Variants in CSMD3 observed in about 807,000 individuals in gnomAD.
CSMD3 encodes the protein CUB and Sushi multiple domains 3.
In CSMD3, 177 loss-of-function variants were observed where a neutral mutation model predicts 435.2. The ratio of observed to expected loss-of-function variants is 0.41; its 90% CI spans 0.36 to 0.46. CSMD3 has a LOEUF of 0.46. Among genes scored for constraint, CSMD3 ranks in the 20% least tolerant of loss-of-function variants. The probability of loss-of-function intolerance (pLI) is 0.34; values close to 1 mark genes in which losing one functional copy is unlikely to be tolerated. For missense variants in CSMD3, 4,265 were observed against 4,504.6 expected (o/e 0.95, Z 1.52); for synonymous variants, 1,656 against 1,520.5 (o/e 1.09, Z -2.07).
In CSMD3 at chr8:113,411,053, TAGGA is replaced by T. The variant is rs201537821; in HGVS notation, c.178+25620_178+25623del. On this transcript the variant is annotated intron_variant, in intron 1 of 70. Transcript: ENST00000297405. Reference sequence around the variant, plus strand: ...AAAAAGAGAAAGAAGAGGAGAAAGATAGGAAGGAAGGAAGGAAGGATGGAAGGAA... The same window carrying T: ...AAAAAGAGAAAGAAGAGGAGAAAGATAGGAAGGAAGGAAGGATGGAAGGAA... 8.0e-3 allele frequency among the ~76,000 whole-genome samples: 1,150 copies of T among 143,478 alleles called. 18 individuals are homozygous for T. The highest frequency in any genetic ancestry group is 0.028 in the African/African-American group (1,067 of 38,726). The allele number at this position is 143,478 out of a possible 152,430, so 94.1% of individuals were successfully genotyped here. A position where few individuals can be genotyped will look rare whatever the true frequency, so the allele number is the denominator to read the frequency against.
intron 2 of CSMD3, among the ~76,000 whole-genome samples, chr8:113,305,444 G>A (rs1371906193): frequency 1.3e-5 from 2 of 152,080 alleles, no homozygotes; most frequent in African/African-American, 4.8e-5. Flanking sequence ...CTGTTTTACC[G>A]AAAGCAGGCT....
Position 112,289,507 on chromosome 8 carries a change from A to G in CSMD3, c.9006T>C (p.Pro3002=). 1 of 1,612,764 alleles carries G rather than the reference A, an allele frequency of 6.2e-7. No homozygotes were observed. Among genetic ancestry groups the G allele is most frequent in the Non-Finnish European group, 8.5e-7 (1 of 1,179,192 alleles). ...MIDCGHPGVP[P]NAVLSGEKYT... ...ACTTCTCGCCAGACAGGACTGCATTAGGAGGAACGCCAGGGTGTCCACAGT... is the reference window on the plus strand; with the variant it reads ...ACTTCTCGCCAGACAGGACTGCATTGGGAGGAACGCCAGGGTGTCCACAGT... Residue 3002 remains proline, a synonymous_variant, in exon 57 of 71, where the codon CCT becomes CCC. Coordinates refer to ENST00000297405, the MANE Select transcript of CSMD3 (RefSeq NM_198123.2).
intron 4 of CSMD3, among the ~76,000 whole-genome samples, chr8:113,125,961 G>A (rs1049678404): frequency 6.6e-6 from 1 of 151,906 alleles, no homozygotes; most frequent in African/African-American, 2.4e-5. Context: ...CATGTAATAG[G>A]ATAGGTATGC....
intron 5 of CSMD3, among the ~76,000 whole-genome samples, chr8:113,096,774 A>C (rs1373461489): frequency 1.3e-5 from 2 of 151,978 alleles, no homozygotes; most frequent in East Asian, 3.9e-4. Flanking sequence ...CTCTGCTTTA[A>C]GTATTTTGCT....
In CSMD3 at chr8:112,921,608, C is replaced by T; in HGVS notation, c.1633+19G>A. ...AAACTATTAAAATGTGTTCAGAGGGCATTATTATAAAACATTACCTTTACA... is the reference window on the plus strand; with the variant it reads ...AAACTATTAAAATGTGTTCAGAGGGTATTATTATAAAACATTACCTTTACA... On this transcript the variant is annotated intron_variant, in intron 10 of 70. Transcript: ENST00000297405. 6.2e-7 allele frequency: 1 copy of T among 1,601,258 alleles called. No individual in the cohort carries two copies. Among genetic ancestry groups the T allele is most frequent in the Non-Finnish European group, 8.6e-7 (1 of 1,168,790 alleles).
intron 22 of CSMD3, among the ~76,000 whole-genome samples, chr8:112,629,374 T>G (rs2074448659): frequency 6.6e-6 from 1 of 152,030 alleles, no homozygotes; most frequent in Non-Finnish European, 1.5e-5. Context: ...GATAATTTTT[T>G]ATAGAGAAGG....
At chr8:112,538,945 A>G (rs1310209687) in intron 27 of CSMD3, 1 of 152,544 alleles carries the variant, frequency 6.6e-6, no homozygotes, top group Non-Finnish European at 1.5e-5. Flanking sequence ...CTGGAGTCCA[A>G]CTCATTATGA....
chr8:112,535,262 C>A lies in CSMD3; in HGVS notation c.4564+15409G>T, dbSNP rs554841208. ...GTTTGCAGATGACATGATTGTATATCTAGAAAACCCCATTGTCTCAGCCCC... is the reference window on the plus strand; with the variant it reads ...GTTTGCAGATGACATGATTGTATATATAGAAAACCCCATTGTCTCAGCCCC... On this transcript the variant is annotated intron_variant, in intron 27 of 70. Coordinates refer to ENST00000297405, the MANE Select transcript of CSMD3 (RefSeq NM_198123.2). 9.2e-5 allele frequency among the ~76,000 whole-genome samples: 14 copies of A among 152,072 alleles called. No individual in the cohort carries two copies. The East Asian group carries it at 2.7e-3, about 30-fold the overall frequency.
chr8:112,712,200 C>A (rs894846197), intron 13 of CSMD3, among the ~76,000 whole-genome samples: 12 of 152,006 alleles, frequency 7.9e-5, no homozygotes, highest in African/African-American at 2.7e-4. Flanking sequence ...TTAAGAAGAC[C>A]CACTATGAAG....
At chr8:113,254,624 T>G (rs1180644111) in intron 3 of CSMD3, among the ~76,000 whole-genome samples, 1 of 152,226 alleles carries the variant, frequency 6.6e-6, no homozygotes, top group Non-Finnish European at 1.5e-5. Context: ...GTTTTAAGTG[T>G]GGATTTAGGT....
intron 2 of CSMD3, chr8:113,312,837 A>T (rs1024110922): frequency 1.3e-5 from 2 of 152,208 alleles, no homozygotes; most frequent in African/African-American, 2.4e-5. Flanking sequence ...TATTTATAAA[A>T]TAGATGATTA....
intron 2 of CSMD3, among the ~76,000 whole-genome samples, 191 bp from the exon 3 acceptor site, chr8:113,278,895 G>A (rs997661831): frequency 6.6e-6 from 1 of 151,682 alleles, no homozygotes; most frequent in Non-Finnish European, 1.5e-5. Flanking sequence ...CCTCCAGACT[G>A]CAAGATAATA....
At chr8:112,757,983 G>A (rs1219591600) in intron 13 of CSMD3, among the ~76,000 whole-genome samples, 1 of 152,090 alleles carries the variant, frequency 6.6e-6, no homozygotes, top group African/African-American at 2.4e-5. Context: ...TTAAGCCCAG[G>A]AGTTCCAGGC....
At chr8:113,004,788 A>C (rs778050543) in intron 6 of CSMD3, among the ~76,000 whole-genome samples, 13 of 152,074 alleles carry the variant, frequency 8.5e-5, no homozygotes, top group Non-Finnish European at 1.3e-4. Context: ...TAATTAAAGT[A>C]TAAATAAATT....
chr8:112,270,355 T>TGTGTGTGTGTTAGGGGTGA (rs1817370205), intron 59 of CSMD3, among the ~76,000 whole-genome samples: 1 of 93,576 alleles, frequency 1.1e-5, no homozygotes. Context: ...TGTGTGTGTG[T>TGTGTGTGTGTTAGGGGTGA]GTGTGTGTGT....
intron 32 of CSMD3, among the ~76,000 whole-genome samples, chr8:112,434,935 C>T (rs1265763505): frequency 4.6e-5 from 7 of 152,064 alleles, no homozygotes; most frequent in African/African-American, 1.2e-4. Flanking sequence ...AATTCAATGA[C>T]GAGTTCACCA....
chr8:112,616,377 G>A (rs1833663228), intron 22 of CSMD3, among the ~76,000 whole-genome samples: 2 of 152,000 alleles, frequency 1.3e-5, no homozygotes, highest in South Asian at 4.1e-4. Context: ...TACATATATA[G>A]CTTGAAAGTT....
At chr8:112,439,722 GGAA>G (rs1814778522) in intron 32 of CSMD3, among the ~76,000 whole-genome samples, 1 of 152,118 alleles carries the variant, frequency 6.6e-6, no homozygotes, top group South Asian at 2.1e-4. Context: ...CATAATGTCA[GGAA>G]GAAGAAGAAT....
At chr8:113,140,534 A>G (rs1013803517) in intron 4 of CSMD3, among the ~76,000 whole-genome samples, 5 of 151,026 alleles carry the variant, frequency 3.3e-5, no homozygotes, top group Non-Finnish European at 5.9e-5. Flanking sequence ...CAACTAACTT[A>G]AAATATTTAA....
Sources: allele counts gnomAD v4.1 joint callset (sites outside exome capture counted in the v4.1 genomes callset), GRCh38; gene constraint gnomAD v4.1.1; transcripts MANE v1.5; gene names NCBI Gene and HGNC (gene_info 2026-07-23, HGNC 2026-07-21).